ABLIM1: variants seen among roughly 807,000 people sequenced by gnomAD.
ABLIM1 encodes actin binding LIM protein 1.
ABLIM1 carries 40 observed loss-of-function variants against 107.0 expected under a neutral mutation model. The ratio of observed to expected loss-of-function variants is 0.37; its 90% CI spans 0.29 to 0.49. The LOEUF is 0.49. Among genes scored for constraint, ABLIM1 ranks in the 20% least tolerant of loss-of-function variants. The pLI, the probability that ABLIM1 is intolerant of heterozygous loss-of-function variation, is 0.97. For missense variants in ABLIM1, 857 were observed against 1,008.5 expected (o/e 0.85, Z 2.04); for synonymous variants, 357 against 357.3 (o/e 1.00, Z 0.01).
At chr10:114,565,748 C>A (rs1005872124) in intron 4 of ABLIM1, among the ~76,000 whole-genome samples, 1 of 149,900 alleles carries the variant, frequency 6.7e-6, no homozygotes, top group Non-Finnish European at 1.5e-5. Context: ...TCTGCCTCCC[C>A]TTTGGAAACA....
intron 1 of ABLIM1, among the ~76,000 whole-genome samples, chr10:114,760,289 A>C (rs2082717170): frequency 6.6e-6 from 1 of 151,920 alleles, no homozygotes; most frequent in African/African-American, 2.4e-5. Flanking sequence ...TGTTTTGGGG[A>C]GGAGGGAAGA....
At chr10:114,544,697 T>C (rs2483590) in intron 6 of ABLIM1, among the ~76,000 whole-genome samples, 42,052 of 152,096 alleles carry the variant, frequency 0.28, 6,965 homozygotes, top group African/African-American at 0.46. Flanking sequence ...TTTCACACCC[T>C]TTTCATTTAC....
At chr10:114,464,792 G>A (rs2064789627) in intron 12 of ABLIM1, among the ~76,000 whole-genome samples, 1 of 152,126 alleles carries the variant, frequency 6.6e-6, no homozygotes, top group South Asian at 2.1e-4. Context: ...TTTTTAAAAA[G>A]GTAGCATATG....
At chr10:114,616,957 C>T (rs1003282674) in intron 1 of ABLIM1, among the ~76,000 whole-genome samples, 1 of 152,144 alleles carries the variant, frequency 6.6e-6, no homozygotes, top group African/African-American at 2.4e-5. Flanking sequence ...GGGACTTGCC[C>T]AAGGTGGCAC....
At chr10:114,632,334 ATGAT>A (rs2078243937) in intron 1 of ABLIM1, 2 of 985,410 alleles carry the variant, frequency 2.0e-6, no homozygotes, top group African/African-American at 1.7e-5. Context: ...AGTCTGATAA[ATGAT>A]TGCCAGGAAG....
At chr10:114,517,892 G>A (rs1239834922) in intron 6 of ABLIM1, among the ~76,000 whole-genome samples, 3 of 152,052 alleles carry the variant, frequency 2.0e-5, no homozygotes, top group East Asian at 3.9e-4. Flanking sequence ...CCCCGTGGAT[G>A]TGCCCACCAG....
chr10:114,519,088 T>C (rs1336503824), intron 6 of ABLIM1, among the ~76,000 whole-genome samples: 1 of 152,182 alleles, frequency 6.6e-6, no homozygotes, highest in Non-Finnish European at 1.5e-5. Context: ...AAGATAGCTT[T>C]GGTTTGTACA....
rs775441717 is a variant in ABLIM1 at position 114,491,772 on chromosome 10, G to A, written c.982+19C>T. On this transcript the variant is annotated intron_variant, in intron 7 of 22. Transcript: ENST00000533213. The stretch of plus-strand genomic sequence containing the variant: ...TCCCCCAGCAAGGAAAACTTCTAGT[G>A]TTCTTGAGTCCACCTCACCTTGAAG... 6.3e-7 allele frequency: 1 copy of A among 1,596,156 alleles called. No homozygotes were observed. Among genetic ancestry groups the A allele is most frequent in the South Asian group, 1.1e-5 (1 of 90,052 alleles).
intron 6 of ABLIM1, among the ~76,000 whole-genome samples, chr10:114,492,329 C>G (rs2059117568): frequency 6.6e-6 from 1 of 152,146 alleles, no homozygotes; most frequent in Non-Finnish European, 1.5e-5. Context: ...ACCCCAATGG[C>G]ATCAAGGTGA....
At chr10:114,570,401 A>G (rs1351308381) in intron 4 of ABLIM1, among the ~76,000 whole-genome samples, 2 of 151,560 alleles carry the variant, frequency 1.3e-5, no homozygotes, top group Non-Finnish European at 2.9e-5. Context: ...CCCCAGATAT[A>G]TGTGCAGCTT....
intron 12 of ABLIM1, chr10:114,465,461 A>C: frequency 6.1e-3 from 1,690 of 276,698 alleles, no homozygotes; most frequent in Non-Finnish European, 8.6e-3. Context: ...TGCTTCCAGT[A>C]GCTCGCTGTC....
intron 8 of ABLIM1, chr10:114,485,337 T>C: frequency 6.2e-7 from 1 of 1,613,222 alleles, no homozygotes; most frequent in South Asian, 1.1e-5. Context: ...AATCAGACTT[T>C]TGGAATAAAA....
At position 114,468,171 on chromosome 10, in the gene ABLIM1, T is replaced by C. The variant is rs1209737180; in HGVS notation, c.1311+10A>G. 2 of 1,611,218 alleles carry C rather than the reference T, an allele frequency of 1.2e-6. No homozygotes were observed. Among genetic ancestry groups the C allele is most frequent in the Admixed American group, 3.3e-5 (2 of 59,980 alleles). On this transcript the variant is annotated intron_variant, in intron 11 of 22. Coordinates refer to ENST00000533213, the MANE Select transcript of ABLIM1 (RefSeq NM_002313.7). ...CACCCATTAAAATGATAAAAAGAAA[T>C]GGTACTTACTTCTGCTGATGGAGTA...
At chr10:114,673,256 TA>T (rs10712808) in intron 1 of ABLIM1, among the ~76,000 whole-genome samples, 71,359 of 129,878 alleles carry the variant, frequency 0.55, 18,441 homozygotes, top group Middle Eastern at 0.61. Flanking sequence ...AGACTCCAGC[TA>T]AAAAAAAAAA....
At chr10:114,768,275 C>T (rs919862486), upstream of ABLIM1, among the ~76,000 whole-genome samples, 1 of 146,410 alleles carries the variant, frequency 6.8e-6, no homozygotes, top group Non-Finnish European at 1.5e-5. Context: ...ACCCGCCGGG[C>T]GCGGCAGCGC....
chr10:114,436,251 G>T lies in ABLIM1; in HGVS notation c.*9C>A. On this transcript the variant is annotated 3_prime_UTR_variant, in exon 23 of 23. Coordinates refer to ENST00000533213, the MANE Select transcript of ABLIM1 (RefSeq NM_002313.7). ...AGTCCTTTCTCTAATTGCCATTCAC[G>T]AGTGGGACTTAGAAGAGTTTTGCTT... 2.5e-6 allele frequency: 4 copies of T among 1,604,260 alleles called. No individual in the cohort carries two copies. In the African/African-American group the frequency reaches 5.4e-5, roughly 21 times the overall value.
At chr10:114,751,772 A>T (rs2082518096) in intron 1 of ABLIM1, among the ~76,000 whole-genome samples, 1 of 152,008 alleles carries the variant, frequency 6.6e-6, no homozygotes, top group Non-Finnish European at 1.5e-5. Flanking sequence ...AAGGAAAGAA[A>T]AAAAAAGGCG....
At chr10:114,562,452 C>T (rs2069878987) in intron 4 of ABLIM1, among the ~76,000 whole-genome samples, 1 of 152,144 alleles carries the variant, frequency 6.6e-6, no homozygotes, top group Admixed American at 6.5e-5. Context: ...TGGTGTGAAT[C>T]CAGGAGGCGG....
intron 1 of ABLIM1, among the ~76,000 whole-genome samples, chr10:114,608,772 T>C (rs1247633388): frequency 6.6e-6 from 1 of 152,118 alleles, no homozygotes; most frequent in East Asian, 1.9e-4. Context: ...CTCAGCACCT[T>C]GGGCGGCCAA....
Sources: gnomAD v4.1 joint callset for allele counts (sites outside exome capture counted in the v4.1 genomes callset) on GRCh38, gnomAD v4.1.1 for gene constraint, MANE v1.5 for transcripts, NCBI Gene and HGNC (gene_info 2026-07-23, HGNC 2026-07-21) for gene names.